FUT8: variants seen among roughly 807,000 people sequenced by gnomAD.
FUT8 encodes fucosyltransferase 8.
Under a neutral mutation model 71.3 loss-of-function variants are expected in FUT8, and 29 were observed. The observed-to-expected ratio is 0.41, with a 90% CI of 0.30 to 0.55. The LOEUF (loss-of-function observed/expected upper bound fraction) is 0.55. Among genes scored for constraint, FUT8 ranks in the 20% least tolerant of loss-of-function variants. The pLI is 0.34. For synonymous variants in FUT8, 254 were observed against 239.3 expected (o/e 1.06, Z -0.57); for missense variants, 544 against 702.1 (o/e 0.77, Z 2.55).
chr14:65,420,138 C>T (rs1380197427), intron 1 of FUT8, among the ~76,000 whole-genome samples: 1 of 151,782 alleles, frequency 6.6e-6, no homozygotes, highest in African/African-American at 2.4e-5. Flanking sequence ...AATAGTTCCT[C>T]TTAATAATAA....
At chr14:65,733,205 A>G (rs1896061632) in intron 9 of FUT8, 26 bp from the exon 10 acceptor site, 2 of 1,470,440 alleles carry the variant, frequency 1.4e-6, no homozygotes, top group African/African-American at 2.8e-5. Context: ...ATCTATGACC[A>G]TCTATAAATT....
the FUT8 span, among the ~76,000 whole-genome samples, chr14:65,386,365 A>C: frequency 6.8e-6 from 1 of 146,540 alleles, no homozygotes; most frequent in Non-Finnish European, 1.5e-5. Flanking sequence ...TTAGCTGGGC[A>C]TGGTGGTGTG....
At chr14:65,702,300 A>G (rs1172831323) in intron 7 of FUT8, among the ~76,000 whole-genome samples, 2 of 148,550 alleles carry the variant, frequency 1.3e-5, no homozygotes, top group Non-Finnish European at 3.0e-5. Flanking sequence ...AGCTGAGATC[A>G]TGGCGTTGCA....
chr14:65,426,698 G>A (rs2065393270), intron 1 of FUT8, among the ~76,000 whole-genome samples: 1 of 152,162 alleles, frequency 6.6e-6, no homozygotes. Context: ...AAAGGTCAGA[G>A]CGCTCTTCTT....
chr14:65,637,353 C>G (rs1403489059), intron 6 of FUT8, among the ~76,000 whole-genome samples: 1 of 152,098 alleles, frequency 6.6e-6, no homozygotes, highest in Admixed American at 6.6e-5. Flanking sequence ...ATACTTCAAG[C>G]CTTAGTTTTT....
intron 7 of FUT8, among the ~76,000 whole-genome samples, chr14:65,674,850 G>A (rs1477472648): frequency 6.6e-6 from 1 of 152,146 alleles, no homozygotes; most frequent in African/African-American, 2.4e-5. Flanking sequence ...ACATATAGTT[G>A]AAAAGCTAGC....
intron 6 of FUT8, among the ~76,000 whole-genome samples, chr14:65,650,304 A>G (rs1429029251): frequency 7.6e-5 from 9 of 118,374 alleles, no homozygotes; most frequent in African/African-American, 2.7e-4. Flanking sequence ...GTCTCAAAAA[A>G]AAAAAAAAAA....
chr14:65,677,638 G>T (rs965455478), intron 7 of FUT8, among the ~76,000 whole-genome samples: 1 of 151,754 alleles, frequency 6.6e-6, no homozygotes. Context: ...ATAAATAATG[G>T]GCACATTTAT....
intron 6 of FUT8, chr14:65,636,768 A>G (rs561755447): frequency 6.6e-5 from 10 of 152,294 alleles, no homozygotes; most frequent in African/African-American, 2.4e-4. Context: ...GAGAGGAGCA[A>G]TTTCACAGGA....
At chr14:65,365,846 T>G in the FUT8 span, among the ~76,000 whole-genome samples, 1 of 147,142 alleles carries the variant, frequency 6.8e-6, no homozygotes, top group Admixed American at 6.7e-5. Context: ...TTTCTTTTCT[T>G]TTTTTTTTTG....
At chr14:65,421,521 T>C (rs904574235) in intron 1 of FUT8, among the ~76,000 whole-genome samples, 7 of 152,196 alleles carry the variant, frequency 4.6e-5, no homozygotes, top group African/African-American at 1.7e-4. Flanking sequence ...AGTGCCCATA[T>C]CAGAGAAGGG....
the FUT8 span, among the ~76,000 whole-genome samples, chr14:65,390,255 G>A: frequency 4.0e-5 from 6 of 150,828 alleles, no homozygotes. Flanking sequence ...CCCGGGTGGT[G>A]GAGGTTGCAT....
chr14:65,362,487 G>A, the FUT8 span, among the ~76,000 whole-genome samples: 3 of 151,996 alleles, frequency 2.0e-5, no homozygotes, highest in African/African-American at 7.3e-5. Context: ...GCCAGCCTGG[G>A]CAATATAGCA....
At chr14:65,632,611 T>G (rs1036057602) in intron 6 of FUT8, among the ~76,000 whole-genome samples, 4 of 152,200 alleles carry the variant, frequency 2.6e-5, no homozygotes, top group African/African-American at 9.7e-5. Context: ...AGATTCTGTG[T>G]ATTAGTCCTT....
intron 1 of FUT8, among the ~76,000 whole-genome samples, chr14:65,417,956 C>A (rs1453021777): frequency 6.6e-6 from 1 of 152,118 alleles, no homozygotes; most frequent in Non-Finnish European, 1.5e-5. Context: ...CTTGAAAGAT[C>A]TTGTCACAGC....
intron 2 of FUT8, among the ~76,000 whole-genome samples, chr14:65,496,764 T>G (rs2066566013): frequency 6.6e-6 from 1 of 152,190 alleles, no homozygotes; most frequent in South Asian, 2.1e-4. Flanking sequence ...ACTCTGGCCA[T>G]GATTTTCTTG....
At chr14:65,693,433 T>C (rs1018503962) in intron 7 of FUT8, among the ~76,000 whole-genome samples, 3 of 151,332 alleles carry the variant, frequency 2.0e-5, no homozygotes, top group Non-Finnish European at 4.4e-5. Context: ...GGCAGGGAGG[T>C]TGCAGTGAGC....
At chr14:65,729,526 C>CT (rs67348217) in intron 9 of FUT8, among the ~76,000 whole-genome samples, 5,723 of 142,166 alleles carry the variant, frequency 0.04, 299 homozygotes, top group African/African-American at 0.12. Context: ...AGGATATAAA[C>CT]TTTTTTTTTT....
chr14:65,618,830 C>G (rs1889446562), intron 5 of FUT8, among the ~76,000 whole-genome samples: 1 of 152,098 alleles, frequency 6.6e-6, no homozygotes, highest in African/African-American at 2.4e-5. Context: ...AGGCTGCCAC[C>G]TGGGTATGGG....
Sources: gnomAD v4.1 joint callset for allele counts (sites outside exome capture counted in the v4.1 genomes callset) on GRCh38, gnomAD v4.1.1 for gene constraint, MANE v1.5 for transcripts, NCBI Gene and HGNC (gene_info 2026-07-23, HGNC 2026-07-21) for gene names.